Variants in MAGI2 observed in about 807,000 individuals in gnomAD.
The protein encoded by MAGI2 is membrane associated guanylate kinase, WW and PDZ domain containing 2.
A neutral mutation model predicts 133.3 loss-of-function variants in MAGI2; 35 were observed. The ratio of observed to expected loss-of-function variants is 0.26; its 90% confidence interval spans 0.20 to 0.35. MAGI2 has a LOEUF of 0.35. MAGI2 is among the 10% of genes least tolerant of loss of function. The pLI is 1.00. For synonymous variants in MAGI2, 729 were observed against 710.6 expected (o/e 1.03, Z -0.41); for missense variants, 1,636 against 1,863.4 (o/e 0.88, Z 2.25).
intron 2 of MAGI2, among the ~76,000 whole-genome samples, chr7:78,711,160 T>C (rs563140210): frequency 6.6e-6 from 1 of 152,262 alleles, no homozygotes; most frequent in African/African-American, 2.4e-5. Context: ...TCATTGAAGT[T>C]TACGTATATA....
chr7:79,310,162 CAAAAAAAAAAAAAAAAA>C (rs71518921), intron 1 of MAGI2, among the ~76,000 whole-genome samples: 2 of 16,304 alleles, frequency 1.2e-4, no homozygotes, highest in African/African-American at 1.9e-4. Flanking sequence ...GAGTCCATCT[CAAAAAAAAAAAAAAAAA>C]AAAAAAAAAA....
In MAGI2 at chr7:78,959,277, T is replaced by C. The variant is rs186903353; in HGVS notation, c.418+47813A>G. ...CTGAACATTACTTTTGGTTATAGAA[T>C]AGGGGCTTTGGATTACTCTAAAATG... On this transcript the variant is annotated intron_variant, in intron 2 of 21. Transcript: ENST00000354212. Among the ~76,000 whole-genome samples, 44 of 152,264 alleles carry C rather than the reference T, an allele frequency of 2.9e-4. No homozygotes were observed. The East Asian group carries it at 5.8e-3, about 20-fold the overall frequency.
chr7:78,377,285 AG>A (rs1414171161), intron 6 of MAGI2, among the ~76,000 whole-genome samples: 1 of 152,136 alleles, frequency 6.6e-6, no homozygotes, highest in Non-Finnish European at 1.5e-5. Context: ...AATCCAGTGC[AG>A]CCAGCTAGTG....
intron 21 of MAGI2, among the ~76,000 whole-genome samples, chr7:78,020,418 G>C (rs1382469183): frequency 6.6e-6 from 1 of 152,198 alleles, no homozygotes; most frequent in Non-Finnish European, 1.5e-5. Context: ...GGAGGTTTCA[G>C]CAGCACGGGG....
chr7:79,260,347 C>A (rs188502449), intron 1 of MAGI2, among the ~76,000 whole-genome samples: 163 of 151,390 alleles, frequency 1.1e-3, no homozygotes, highest in African/African-American at 3.8e-3. Flanking sequence ...CACAGTGAGA[C>A]CCCCATCTCT....
intron 1 of MAGI2, among the ~76,000 whole-genome samples, chr7:79,181,437 T>C (rs1216556879): frequency 6.6e-6 from 1 of 151,956 alleles, no homozygotes; most frequent in East Asian, 1.9e-4. Flanking sequence ...AAGCTCTATC[T>C]TGACCCCTGT....
intron 1 of MAGI2, among the ~76,000 whole-genome samples, chr7:79,022,975 TA>T (rs989831842): frequency 9.2e-5 from 14 of 152,134 alleles, no homozygotes; most frequent in African/African-American, 3.4e-4. Context: ...GATTCCTCCC[TA>T]ACTCATTCTA....
At chr7:79,366,333 T>C in intron 1 of MAGI2, among the ~76,000 whole-genome samples, 1 of 152,104 alleles carries the variant, frequency 6.6e-6, no homozygotes, top group East Asian at 1.9e-4. Flanking sequence ...ATTTTTGAAA[T>C]AACAACATTT....
intron 2 of MAGI2, among the ~76,000 whole-genome samples, chr7:78,691,813 C>T (rs1816984861): frequency 6.6e-6 from 1 of 152,094 alleles, no homozygotes; most frequent in South Asian, 2.1e-4. Context: ...CCCTGTATGA[C>T]ACTATAATGC....
chr7:79,073,743 C>A (rs996798617), intron 1 of MAGI2, among the ~76,000 whole-genome samples: 4 of 151,528 alleles, frequency 2.6e-5, no homozygotes, highest in Admixed American at 6.6e-5. Flanking sequence ...GATCTGGGCA[C>A]CCCCCTGCCC....
In MAGI2 at chr7:78,043,948, G is replaced by A. The variant is rs950467520; in HGVS notation, c.3707-23972C>T. Among the ~76,000 whole-genome samples, 6 of 152,164 alleles carry A rather than the reference G, an allele frequency of 3.9e-5. No individual in the cohort carries two copies. The East Asian group carries it at 1.2e-3, about 29-fold the overall frequency. ...CAAAAAAGAATAGTGACAATTAATG[G>A]ATTGGGCCAGTTACTAGAGTAGAAA... is the stretch of plus-strand genomic sequence containing the variant. On this transcript the variant is annotated intron_variant, in intron 21 of 21. Transcript: ENST00000354212.
At chr7:78,769,648 G>A (rs1021376319) in intron 2 of MAGI2, among the ~76,000 whole-genome samples, 4 of 152,194 alleles carry the variant, frequency 2.6e-5, no homozygotes, top group Non-Finnish European at 5.9e-5. Context: ...GGACGAGACA[G>A]AGATATGGAG....
chr7:78,060,170 C>T (rs1813071927), intron 21 of MAGI2, among the ~76,000 whole-genome samples: 1 of 151,840 alleles, frequency 6.6e-6, no homozygotes, highest in South Asian at 2.1e-4. Flanking sequence ...TTTTCTTCCA[C>T]TCAACAATTA....
chr7:79,200,086 A>G (rs915074618), intron 1 of MAGI2, among the ~76,000 whole-genome samples: 4 of 151,836 alleles, frequency 2.6e-5, no homozygotes, highest in African/African-American at 7.3e-5. Context: ...AGGACTACCA[A>G]GAATAATCCA....
In MAGI2 at chr7:79,453,553, C is replaced by G. The variant is rs1849448262; in HGVS notation, c.-233G>C. On this transcript the variant is annotated 5_prime_UTR_variant, in exon 1 of 22. Transcript: ENST00000354212. ...GAGAGCTTGGATGAGGTTGTGCTGT[C>G]CCTTGAATGACACTCAAGGCTGTGG... 2.3e-6 allele frequency: 3 copies of G among 1,281,734 alleles called. No individual in the cohort carries two copies. Among genetic ancestry groups the G allele is most frequent in the Non-Finnish European group, 2.0e-6 (2 of 1,016,220 alleles). The allele number at this position is 1,281,734 out of a possible 1,614,324, so 79.4% of individuals were successfully genotyped here.
intron 2 of MAGI2, among the ~76,000 whole-genome samples, chr7:78,676,007 A>C (rs1814984194): frequency 6.6e-6 from 1 of 152,156 alleles, no homozygotes; most frequent in Admixed American, 6.6e-5. Flanking sequence ...AGTTAAAAGG[A>C]TATTGTTTTC....
In MAGI2 at chr7:79,168,885, G is replaced by GATATATATATATAT. The variant is rs752134999; in HGVS notation, c.302-161680_302-161679insATATATATATATAT. ...TGTCTGCCAGGTTTTTCTTTCTAAA[G>GATATATATATATAT]ATAGATATATATATATATATATATA... is the stretch of plus-strand genomic sequence containing the variant. On this transcript the variant is annotated intron_variant, in intron 1 of 21. Coordinates refer to ENST00000354212, the MANE Select transcript of MAGI2 (RefSeq NM_012301.4). Among the ~76,000 whole-genome samples the GATATATATATATAT allele has an allele frequency of 1.3e-3, 184 of 138,788 alleles. 1 individual carries two copies. The highest frequency in any genetic ancestry group is 5.1e-3 in the African/African-American group (174 of 34,414). The allele number at this position is 138,788 out of a possible 152,430, so 91.1% of individuals were successfully genotyped here.
intron 3 of MAGI2, among the ~76,000 whole-genome samples, chr7:78,529,263 A>C (rs1797231102): frequency 6.6e-6 from 1 of 152,168 alleles, no homozygotes; most frequent in African/African-American, 2.4e-5. Context: ...GCACAGGATA[A>C]ATCTTTGCTA....
At chr7:78,553,490 G>A (rs1799535268) in intron 3 of MAGI2, among the ~76,000 whole-genome samples, 1 of 152,174 alleles carries the variant, frequency 6.6e-6, no homozygotes, top group African/African-American at 2.4e-5. Context: ...AGTGTTACTG[G>A]TGAAGGAAGA....
Sources: gnomAD v4.1 joint callset for allele counts (sites outside exome capture counted in the v4.1 genomes callset) on GRCh38, gnomAD v4.1.1 for gene constraint, MANE v1.5 for transcripts, NCBI Gene and HGNC (gene_info 2026-07-23, HGNC 2026-07-21) for gene names.